CEP63: variants seen among roughly 807,000 people sequenced by gnomAD.
The protein encoded by CEP63 is centrosomal protein of 63 kDa.
A neutral mutation model predicts 89.1 loss-of-function variants in CEP63; 84 were observed. The ratio of observed to expected loss-of-function variants is 0.94; its 90% CI spans 0.79 to 1.13. CEP63 has a LOEUF of 1.13. Among genes scored for constraint, CEP63 ranks in the 50% most tolerant of loss-of-function variants. The pLI is 0.00. For missense variants in CEP63, 838 were observed against 813.3 expected (o/e 1.03, Z -0.37); for synonymous variants, 267 against 272.5 (o/e 0.98, Z 0.20).
chr3:134,779,663 A>C, the CEP63 span: 1 of 152,232 alleles, frequency 6.6e-6, no homozygotes, highest in Non-Finnish European at 1.5e-5. Flanking sequence ...GCAGCTTTCT[A>C]TTCTGCTATG....
chr3:134,523,086 T>A (rs925264601), intron 3 of CEP63, among the ~76,000 whole-genome samples: 2 of 152,214 alleles, frequency 1.3e-5, no homozygotes, highest in Admixed American at 1.3e-4. Flanking sequence ...TTTTAAATAA[T>A]AGCCATTCTG....
At chr3:134,543,773 C>T (rs577178009) in intron 6 of CEP63, among the ~76,000 whole-genome samples, 68 of 152,272 alleles carry the variant, frequency 4.5e-4, no homozygotes, top group African/African-American at 1.6e-3. Context: ...GGGCTCTAAC[C>T]CTTTTCTCCT....
the CEP63 span, among the ~76,000 whole-genome samples, chr3:134,721,348 G>A: frequency 3.3e-5 from 5 of 152,012 alleles, no homozygotes; most frequent in Admixed American, 6.6e-5. Context: ...TGCTGAACTC[G>A]TTTATTAGTT....
chr3:134,755,660 C>G, the CEP63 span: 2 of 152,300 alleles, frequency 1.3e-5, no homozygotes, highest in Non-Finnish European at 2.9e-5. Flanking sequence ...CTCTTTCAGC[C>G]TGGCTCCTTT....
At chr3:134,639,043 C>T in the CEP63 span, among the ~76,000 whole-genome samples, 17 of 31,926 alleles carry the variant, frequency 5.3e-4, no homozygotes, top group African/African-American at 1.8e-3. Context: ...GGCACATTTA[C>T]AGCCTTTTTT....
chr3:134,682,795 C>T, the CEP63 span, among the ~76,000 whole-genome samples: 1 of 152,142 alleles, frequency 6.6e-6, no homozygotes, highest in Non-Finnish European at 1.5e-5. Flanking sequence ...TACTATTATC[C>T]TCATTTTACT....
rs200994552 is a variant in CEP63, at chr3:134,495,325, A to T, written c.5A>T (p.Glu2Val). The T allele has an allele frequency of 4.0e-5, 65 of 1,613,682 alleles. 1 individual carries two copies. The East Asian group carries it at 1.1e-3, about 27-fold the overall frequency. ...CAAAACAAAGGGGATTTGGTGATGG[A>T]GGCTTTGTTAGAAGGAATACAAAAT... The part of the protein sequence containing the change: M[E>V]ALLEGIQNRG... Residue 2 changes from glutamate (E) to valine (V), a missense_variant, in exon 2 of 15, where the codon GAG (glutamate) becomes GTG (valine). Physicochemically the swap from Glu to Val is moderately radical, Grantham distance 121. Transcript: ENST00000675561.
At chr3:134,537,066 T>A in intron 5 of CEP63, 89 bp from the exon 6 acceptor site, 2 of 827,882 alleles carry the variant, frequency 2.4e-6, no homozygotes, top group Middle Eastern at 4.7e-4. Flanking sequence ...CCCAGGGACA[T>A]GGGGAGAAAT....
chr3:134,570,965 T>C (rs1957985602), intron 11 of CEP63, among the ~76,000 whole-genome samples: 1 of 152,168 alleles, frequency 6.6e-6, no homozygotes. Context: ...ACATCAGATC[T>C]CATGAGACTT....
chr3:134,610,529 C>G, the CEP63 span: 3 of 683,144 alleles, frequency 4.4e-6, no homozygotes, highest in Non-Finnish European at 4.9e-6. Flanking sequence ...CACATATAAA[C>G]AGCCTTGATG....
intron 12 of CEP63, among the ~76,000 whole-genome samples, chr3:134,554,910 T>C (rs371285698): frequency 9.3e-4 from 141 of 151,966 alleles, no homozygotes; most frequent in African/African-American, 3.2e-3. Context: ...TCATGTCCTT[T>C]GCCCACTTTT....
chr3:134,664,148 G>A, the CEP63 span, among the ~76,000 whole-genome samples: 2 of 152,180 alleles, frequency 1.3e-5, no homozygotes, highest in Non-Finnish European at 2.9e-5. Context: ...TTTACCGCCT[G>A]CTCTTTGCTT....
chr3:134,688,898 A>T, the CEP63 span, among the ~76,000 whole-genome samples: 1 of 152,162 alleles, frequency 6.6e-6, no homozygotes, highest in African/African-American at 2.4e-5. Flanking sequence ...CTCATGACAA[A>T]GGTCTTCTTC....
the CEP63 span, among the ~76,000 whole-genome samples, chr3:134,606,391 G>C: frequency 6.6e-6 from 1 of 152,000 alleles, no homozygotes; most frequent in Non-Finnish European, 1.5e-5. Context: ...ATCCTCCAAG[G>C]CCACAACCCT....
At chr3:134,623,506 C>CT in the CEP63 span, among the ~76,000 whole-genome samples, 1 of 152,036 alleles carries the variant, frequency 6.6e-6, no homozygotes, top group East Asian at 1.9e-4. Flanking sequence ...CTCGTATGTC[C>CT]TCACCTCCTC....
chr3:134,697,536 C>A, the CEP63 span, among the ~76,000 whole-genome samples: 1 of 152,182 alleles, frequency 6.6e-6, no homozygotes, highest in Non-Finnish European at 1.5e-5. Context: ...GAGGACTACA[C>A]CTTCCATGGC....
chr3:134,743,281 T>C, the CEP63 span, among the ~76,000 whole-genome samples: 63 of 152,152 alleles, frequency 4.1e-4, no homozygotes, highest in African/African-American at 1.4e-3. Flanking sequence ...CTCATGCAAG[T>C]AGTAGAAATT....
chr3:134,752,678 G>A, the CEP63 span, among the ~76,000 whole-genome samples: 2 of 152,346 alleles, frequency 1.3e-5, no homozygotes, highest in South Asian at 4.1e-4. Context: ...AGTGGGCAAA[G>A]CCAGGACAAG....
the CEP63 span, among the ~76,000 whole-genome samples, chr3:134,735,924 G>T: frequency 6.6e-6 from 1 of 152,022 alleles, no homozygotes; most frequent in Non-Finnish European, 1.5e-5. Flanking sequence ...AATGAGACTG[G>T]TATCACCTCG....
Sources: allele counts gnomAD v4.1 joint callset (sites outside exome capture counted in the v4.1 genomes callset), GRCh38; gene constraint gnomAD v4.1.1; transcripts MANE v1.5; gene names NCBI Gene and HGNC (gene_info 2026-07-23, HGNC 2026-07-21).